SLC35A3: variants seen among roughly 807,000 people sequenced by gnomAD.
The protein encoded by SLC35A3 is solute carrier family 35 member A3.
A neutral mutation model predicts 39.0 loss-of-function variants in SLC35A3; 26 were observed. That is an observed-to-expected ratio of 0.67 (90% confidence interval 0.49 to 0.92). The LOEUF is 0.92. Among genes scored for constraint, SLC35A3 ranks in the 40% least tolerant of loss-of-function variants. The probability of loss-of-function intolerance (pLI) is 0.00; values close to 1 mark genes in which losing one functional copy is unlikely to be tolerated. For synonymous variants in SLC35A3, 135 were observed against 133.1 expected (o/e 1.01, Z -0.10); for missense variants, 299 against 371.6 (o/e 0.80, Z 1.61).
intron 1 of SLC35A3, among the ~76,000 whole-genome samples, chr1:99,991,888 A>G (rs946878240): frequency 6.6e-6 from 1 of 152,168 alleles, no homozygotes; most frequent in Non-Finnish European, 1.5e-5. Context: ...AGATGGGACT[A>G]CAGGTGCGTG....
rs144518589 is a variant in SLC35A3 at position 100,023,590 on chromosome 1, G to A, written c.*1114G>A. On this transcript the variant is annotated 3_prime_UTR_variant, in exon 8 of 8. Transcript: ENST00000533028. ...GCCATATTACTTTATTTTAAACAGC[G>A]CTATGACTTTAAATCCAAGGCTGCT... The A allele has an allele frequency of 5.3e-5, 8 of 152,280 alleles. No individual in the cohort carries two copies. Among genetic ancestry groups the A allele is most frequent in the African/African-American group, 1.9e-4 (8 of 41,550 alleles). 9.4% of individuals were successfully genotyped at this position (152,280 alleles called of 1,614,324 possible). A position where few individuals can be genotyped will look rare whatever the true frequency, so the allele number is the denominator to read the frequency against.
intron 5 of SLC35A3, among the ~76,000 whole-genome samples, chr1:100,014,200 A>G (rs1314759783): frequency 6.6e-6 from 1 of 152,132 alleles, no homozygotes; most frequent in Non-Finnish European, 1.5e-5. Context: ...TATTAGTTAT[A>G]CTTTCAAAAC....
rs1166668914 is a variant in SLC35A3 at position 99,972,735 on chromosome 1, G to A, written c.-19+2573G>A. Among the ~76,000 whole-genome samples, 4 of 152,154 alleles carry A rather than the reference G, an allele frequency of 2.6e-5. No individual in the cohort carries two copies. The East Asian group carries it at 7.7e-4, about 29-fold the overall frequency. On this transcript the variant is annotated intron_variant, in intron 1 of 7. Transcript: ENST00000533028. ...CATTAATCATGTAATGAAACAGACT[G>A]TTATTGTGCTTCTGGAGACAAGATG...
chr1:100,012,567 G>T (rs575649407), intron 5 of SLC35A3, among the ~76,000 whole-genome samples: 1 of 152,220 alleles, frequency 6.6e-6, no homozygotes, highest in East Asian at 1.9e-4. Context: ...ACATCAAATT[G>T]TCAAAGATTA....
intron 1 of SLC35A3, among the ~76,000 whole-genome samples, chr1:99,982,676 A>C (rs1016704608): frequency 2.0e-5 from 3 of 152,206 alleles, no homozygotes. Context: ...ATATCTTTGA[A>C]CATGAAATAA....
chr1:100,013,969 T>C (rs1659871540), intron 5 of SLC35A3, among the ~76,000 whole-genome samples: 1 of 152,222 alleles, frequency 6.6e-6, no homozygotes, highest in Non-Finnish European at 1.5e-5. Flanking sequence ...AAGTGGTCCA[T>C]GTAAGCATGA....
At position 100,007,318 on chromosome 1, in the gene SLC35A3, A is replaced by G. The variant is rs930693158; in HGVS notation, c.465+162A>G. On this transcript the variant is annotated intron_variant, in intron 4 of 7. Transcript: ENST00000533028. Reference sequence around the variant, plus strand: ...GGGCATCCTTTATGTGACATACTACATTGGGAGTGTAAGTAATACAGAGGA... The same window carrying G: ...GGGCATCCTTTATGTGACATACTACGTTGGGAGTGTAAGTAATACAGAGGA... 1.7e-5 allele frequency: 10 copies of G among 589,512 alleles called. No homozygotes were observed. In the Admixed American group the frequency reaches 3.4e-4, roughly 20 times the overall value. 36.5% of individuals were successfully genotyped at this position (589,512 alleles called of 1,614,324 possible).
chr1:99,979,669 C>G (rs1224492851), intron 1 of SLC35A3, among the ~76,000 whole-genome samples: 1 of 151,188 alleles, frequency 6.6e-6, no homozygotes. Flanking sequence ...TCCTCTATCT[C>G]GTGATCTGCC....
At chr1:100,013,149 T>A (rs1678304136) in intron 5 of SLC35A3, among the ~76,000 whole-genome samples, 1 of 152,152 alleles carries the variant, frequency 6.6e-6, no homozygotes, top group Non-Finnish European at 1.5e-5. Context: ...CCTTCTATAA[T>A]GTATACTTTT....
intron 5 of SLC35A3, among the ~76,000 whole-genome samples, chr1:100,014,648 C>T (rs917049500): frequency 2.6e-5 from 4 of 152,056 alleles, no homozygotes; most frequent in African/African-American, 4.8e-5. Flanking sequence ...TGACATATTC[C>T]AAATGTGAGC....
intron 1 of SLC35A3, among the ~76,000 whole-genome samples, chr1:99,993,256 T>C (rs1170295697): frequency 2.0e-5 from 3 of 152,220 alleles, no homozygotes; most frequent in African/African-American, 7.2e-5. Flanking sequence ...CTGATGTCTC[T>C]ATCCAATTTA....
chr1:99,970,330 T>G (rs941836211), intron 1 of SLC35A3, 168 bp downstream of exon 1: 1 of 561,122 alleles, frequency 1.8e-6, no homozygotes, highest in African/African-American at 1.9e-5. Flanking sequence ...CAGTGCTAGC[T>G]AAGTAGGGGT....
chr1:100,018,035 T>G (rs574841603), intron 7 of SLC35A3, among the ~76,000 whole-genome samples: 4 of 152,218 alleles, frequency 2.6e-5, no homozygotes, highest in Non-Finnish European at 1.5e-5. Context: ...TCCCAATAAA[T>G]AGATGTGAAT....
At chr1:99,979,607 A>C (rs956954290) in intron 1 of SLC35A3, among the ~76,000 whole-genome samples, 69 of 149,888 alleles carry the variant, frequency 4.6e-4, no homozygotes, top group African/African-American at 1.6e-3. Context: ...CTAATTTTTT[A>C]TATTTTTAGT....
At chr1:99,987,013 G>A (rs1657782324) in intron 1 of SLC35A3, among the ~76,000 whole-genome samples, 1 of 152,236 alleles carries the variant, frequency 6.6e-6, no homozygotes, top group African/African-American at 2.4e-5. Flanking sequence ...TTTTCCAGGA[G>A]AATTAGATGC....
intron 2 of SLC35A3, among the ~76,000 whole-genome samples, chr1:99,997,351 T>C (rs1338470446): frequency 7.4e-6 from 1 of 134,270 alleles, no homozygotes; most frequent in Non-Finnish European, 1.6e-5. Flanking sequence ...AGACAACAGA[T>C]GAAAAGCATG....
Position 100,024,779 on chromosome 1 carries a change from G to A in SLC35A3, c.*2303G>A, listed in dbSNP as rs1660808004. ...ATTGCAGGCGTGAGCCACTGCGCCC[G>A]GCCTATACTGTATATATTTTTAAAG... is the stretch of plus-strand genomic sequence containing the variant. On this transcript the variant is annotated 3_prime_UTR_variant, in exon 8 of 8. Coordinates refer to ENST00000533028, the MANE Select transcript of SLC35A3 (RefSeq NM_012243.3). 30 of 395,710 alleles carry A rather than the reference G, an allele frequency of 7.6e-5. No homozygotes were observed. In the South Asian group the frequency reaches 2.2e-3, roughly 29 times the overall value. The allele number at this position is 395,710 out of a possible 1,614,324, so 24.5% of individuals were successfully genotyped here. A position where few individuals can be genotyped will look rare whatever the true frequency, so the allele number is the denominator to read the frequency against.
At position 100,032,875 on chromosome 1, in the gene SLC35A3, A is replaced by C. The variant is rs1220321867; in HGVS notation, c.*10399A>C. The C allele has an allele frequency of 6.6e-6, 1 of 152,124 alleles. No individual in the cohort carries two copies. Among genetic ancestry groups the C allele is most frequent in the Non-Finnish European group, 1.5e-5 (1 of 68,008 alleles). 9.4% of individuals were successfully genotyped at this position (152,124 alleles called of 1,614,324 possible). ...TGTGTTTTTTAAACATGACCACATT[A>C]GTCTTTTAGTCCTTATTTGCTTTAG... is the stretch of plus-strand genomic sequence containing the variant. On this transcript the variant is annotated 3_prime_UTR_variant, in exon 8 of 8. Coordinates refer to ENST00000533028, the MANE Select transcript of SLC35A3 (RefSeq NM_012243.3).
Position 100,030,483 on chromosome 1 carries a change from CAA to C in SLC35A3, c.*8008_*8009del, listed in dbSNP as rs1398729045. On this transcript the variant is annotated 3_prime_UTR_variant, in exon 8 of 8. Transcript: ENST00000533028. ...CTTAAAACAGTATGAGATTTTTTTG[CAA>C]TTTTTTAAAGCTCATCAGCTATTAT... is the stretch of plus-strand genomic sequence containing the variant. 6.6e-6 allele frequency: 1 copy of C among 152,084 alleles called. No individual in the cohort carries two copies. Among genetic ancestry groups the C allele is most frequent in the Non-Finnish European group, 1.5e-5 (1 of 68,010 alleles). 9.4% of individuals were successfully genotyped at this position (152,084 alleles called of 1,614,324 possible). A position where few individuals can be genotyped will look rare whatever the true frequency, so the allele number is the denominator to read the frequency against.
Sources: allele counts gnomAD v4.1 joint callset (sites outside exome capture counted in the v4.1 genomes callset), GRCh38; gene constraint gnomAD v4.1.1; transcripts MANE v1.5; gene names NCBI Gene and HGNC (gene_info 2026-07-23, HGNC 2026-07-21).